The following NCKAP5 variants were observed in gnomAD, a reference collection of about 807,000 sequenced individuals.
The protein encoded by NCKAP5 is nck-associated protein 5.
In NCKAP5, 92 loss-of-function variants were observed where a neutral mutation model predicts 167.0. The ratio of observed to expected loss-of-function variants is 0.55; its 90% CI spans 0.47 to 0.66. The LOEUF (loss-of-function observed/expected upper bound fraction) is 0.66, where lower values mean the gene tolerates loss of function less well. NCKAP5 is among the 30% of genes least tolerant of loss of function. NCKAP5 has a pLI of 0.00. For synonymous variants in NCKAP5, 891 were observed against 877.4 expected (o/e 1.02, Z -0.27); for missense variants, 2,378 against 2,315.0 (o/e 1.03, Z -0.56).
Position 133,262,642 on chromosome 2 carries a change from C to G in NCKAP5, c.143+40395G>C, listed in dbSNP as rs1310047863. ...GTAATATCCAGGAAGCAATCCCCGTCGGGGCAACAGCCTTCAGGAGCAATA... is the reference window on the plus strand; with the variant it reads ...GTAATATCCAGGAAGCAATCCCCGTGGGGGCAACAGCCTTCAGGAGCAATA... On this transcript the variant is annotated intron_variant, in intron 4 of 19. Transcript: ENST00000409261. 3.9e-5 allele frequency among the ~76,000 whole-genome samples: 6 copies of G among 152,312 alleles called. No homozygotes were observed. In the East Asian group the frequency reaches 1.2e-3, roughly 29 times the overall value.
At chr2:133,604,305 A>C in the NCKAP5 span, among the ~76,000 whole-genome samples, 1 of 152,124 alleles carries the variant, frequency 6.6e-6, no homozygotes, top group African/African-American at 2.4e-5. Flanking sequence ...TCCTGGTTTC[A>C]AGGGATTCTC....
chr2:133,195,945 T>C (rs915221079), intron 5 of NCKAP5, among the ~76,000 whole-genome samples: 3 of 152,042 alleles, frequency 2.0e-5, no homozygotes, highest in African/African-American at 4.8e-5. Flanking sequence ...CATACATCAA[T>C]TGAAACCCAG....
chr2:132,736,261 C>A (rs1691494631), intron 16 of NCKAP5, among the ~76,000 whole-genome samples: 1 of 152,196 alleles, frequency 6.6e-6, no homozygotes, highest in Non-Finnish European at 1.5e-5. Flanking sequence ...AAAATGCTGA[C>A]ACCATCTTTA....
chr2:132,788,236 C>G (rs1234141656), intron 13 of NCKAP5, among the ~76,000 whole-genome samples: 2 of 152,176 alleles, frequency 1.3e-5, no homozygotes, highest in Non-Finnish European at 2.9e-5. Flanking sequence ...TCTTGGGAAG[C>G]AGTGTGGTTG....
Position 133,352,947 on chromosome 2 carries a change from C to T in NCKAP5, c.70-49837G>A, listed in dbSNP as rs1360751888. Among the ~76,000 whole-genome samples the T allele has an allele frequency of 4.6e-5, 7 of 152,208 alleles. No homozygotes were observed. The South Asian group carries it at 6.2e-4, about 14-fold the overall frequency. On this transcript the variant is annotated intron_variant, in intron 3 of 19. Coordinates refer to ENST00000409261, the MANE Select transcript of NCKAP5 (RefSeq NM_207363.3). ...AAAGCCAAAAAGGAATATTTAAAGT[C>T]GGCTGCTTCTCTTGTGACTCCACAG...
chr2:133,229,574 A>T (rs1225160174), intron 4 of NCKAP5, among the ~76,000 whole-genome samples: 1 of 152,166 alleles, frequency 6.6e-6, no homozygotes, highest in African/African-American at 2.4e-5. Context: ...AACTTGTTTA[A>T]TCCTTACCCC....
At chr2:133,133,081 C>T (rs1481186177) in intron 5 of NCKAP5, among the ~76,000 whole-genome samples, 1 of 152,000 alleles carries the variant, frequency 6.6e-6, no homozygotes, top group Non-Finnish European at 1.5e-5. Context: ...TTGATCTATC[C>T]CCAAAGTAAT....
intron 3 of NCKAP5, among the ~76,000 whole-genome samples, chr2:133,360,756 C>G (rs1362228717): frequency 6.6e-6 from 1 of 151,894 alleles, no homozygotes; most frequent in East Asian, 1.9e-4. Flanking sequence ...AGAGGAGCTT[C>G]TGGAAACAAT....
intron 3 of NCKAP5, among the ~76,000 whole-genome samples, chr2:133,334,388 A>C (rs1054835903): frequency 6.6e-6 from 1 of 152,190 alleles, no homozygotes; most frequent in Non-Finnish European, 1.5e-5. Flanking sequence ...GCCATGCGAC[A>C]GATGCTAGCT....
chr2:133,009,050 T>C (rs1312274474), intron 6 of NCKAP5, among the ~76,000 whole-genome samples: 1 of 152,198 alleles, frequency 6.6e-6, no homozygotes, highest in Non-Finnish European at 1.5e-5. Flanking sequence ...TCCTGAAATA[T>C]GTTTTCCCTG....
rs1363338776 is a variant in NCKAP5, at chr2:133,115,814, T to C, written c.341+14164A>G. Among the ~76,000 whole-genome samples the C allele has an allele frequency of 1.2e-3, 99 of 84,658 alleles. 3 individuals are homozygous for C. Among genetic ancestry groups the C allele is most frequent in the African/African-American group, 5.4e-3 (93 of 17,318 alleles). 55.5% of individuals were successfully genotyped at this position (84,658 alleles called of 152,430 possible). A position where few individuals can be genotyped will look rare whatever the true frequency, so the allele number is the denominator to read the frequency against. On this transcript the variant is annotated intron_variant, in intron 6 of 19. Transcript: ENST00000409261. ...ATATATATATATATATATATATATA[T>C]ATAGTGTTCACACACACACACACAC...
intron 11 of NCKAP5, among the ~76,000 whole-genome samples, chr2:132,835,566 T>A (rs1356568469): frequency 6.6e-6 from 1 of 152,054 alleles, no homozygotes; most frequent in Admixed American, 6.5e-5. Flanking sequence ...TTTTTTTTTT[T>A]CCTTTACATC....
At chr2:132,839,734 C>T (rs1328962502) in intron 11 of NCKAP5, among the ~76,000 whole-genome samples, 5 of 112,936 alleles carry the variant, frequency 4.4e-5, no homozygotes, top group South Asian at 3.1e-4. Context: ...CTCCAGCCTG[C>T]GTGATGGAGT....
At chr2:132,920,601 T>C (rs1449448223) in intron 8 of NCKAP5, among the ~76,000 whole-genome samples, 1 of 146,448 alleles carries the variant, frequency 6.8e-6, no homozygotes, top group African/African-American at 2.5e-5. Flanking sequence ...GCATGAGGCC[T>C]GGTTCAAGGG....
chr2:132,769,189 T>C (rs1681803419), intron 16 of NCKAP5, among the ~76,000 whole-genome samples: 1 of 149,254 alleles, frequency 6.7e-6, no homozygotes, highest in South Asian at 2.1e-4. Context: ...TTCAAGCAAT[T>C]CTGCTGCCTC....
intron 3 of NCKAP5, among the ~76,000 whole-genome samples, chr2:133,390,520 A>G (rs935721140): frequency 5.3e-5 from 8 of 152,164 alleles, no homozygotes; most frequent in Non-Finnish European, 1.0e-4. Flanking sequence ...TCTTACAGAA[A>G]ATGCTCTTTC....
At chr2:132,959,748 G>A (rs745884576) in intron 8 of NCKAP5, among the ~76,000 whole-genome samples, 1 of 152,198 alleles carries the variant, frequency 6.6e-6, no homozygotes, top group Non-Finnish European at 1.5e-5. Context: ...TGGGGTGGCA[G>A]AAAGGAGTGA....
intron 19 of NCKAP5, among the ~76,000 whole-genome samples, chr2:132,723,366 G>C (rs1041740207): frequency 1.3e-5 from 2 of 151,002 alleles, no homozygotes; most frequent in Non-Finnish European, 2.9e-5. Flanking sequence ...GTTTCACCGT[G>C]TTAGCCTGGT....
At chr2:133,625,395 TC>T in the NCKAP5 span, among the ~76,000 whole-genome samples, 1 of 152,134 alleles carries the variant, frequency 6.6e-6, no homozygotes, top group Non-Finnish European at 1.5e-5. Flanking sequence ...AATTGAGCTT[TC>T]TAAGTAACAA....
Sources: allele counts gnomAD v4.1 joint callset (sites outside exome capture counted in the v4.1 genomes callset), GRCh38; gene constraint gnomAD v4.1.1; transcripts MANE v1.5; gene names NCBI Gene and HGNC (gene_info 2026-07-23, HGNC 2026-07-21).